PCDHGA1: variants seen among roughly 807,000 people sequenced by gnomAD.
PCDHGA1 encodes the protein protocadherin gamma subfamily A, 1.
In PCDHGA1, 32 loss-of-function variants were observed where a neutral mutation model predicts 58.0. The observed-to-expected ratio is 0.55, with a 90% CI of 0.42 to 0.74. The LOEUF (loss-of-function observed/expected upper bound fraction) is 0.74, where lower values mean the gene tolerates loss of function less well. PCDHGA1 is among the 30% of genes least tolerant of loss of function. PCDHGA1 has a pLI of 0.00. For synonymous variants in PCDHGA1, 498 were observed against 501.1 expected (o/e 0.99, Z 0.08); for missense variants, 1,205 against 1,182.3 (o/e 1.02, Z -0.28).
intron 1 of PCDHGA1, among the ~76,000 whole-genome samples, chr5:141,457,694 C>G (rs891323419): frequency 6.6e-6 from 1 of 152,214 alleles, no homozygotes; most frequent in Non-Finnish European, 1.5e-5. Flanking sequence ...TTTGGATTGG[C>G]TTTGATGAAA....
In PCDHGA1 at chr5:141,432,184, C is replaced by G; in HGVS notation, c.2422-62623C>G. 1 of 1,614,164 alleles carries G rather than the reference C, an allele frequency of 6.2e-7. No individual in the cohort carries two copies. The highest frequency in any genetic ancestry group is 2.2e-5 in the East Asian group (1 of 44,872). On this transcript the variant is annotated intron_variant, in intron 1 of 3. Coordinates refer to ENST00000517417, the MANE Select transcript of PCDHGA1 (RefSeq NM_018912.3). This position sits in a 1 kb window ranked among gnomAD's most constrained non-coding sequence, Gnocchi z 6.0. Reference sequence around the variant, plus strand: ...GAGGAGTTTCCCTCGTCTCTGTGACCGCCCACGACCCCGACTGTGAAGAGA... The same window carrying G: ...GAGGAGTTTCCCTCGTCTCTGTGACGGCCCACGACCCCGACTGTGAAGAGA...
intron 1 of PCDHGA1, among the ~76,000 whole-genome samples, chr5:141,460,983 GTATA>G (rs59296681): frequency 0.024 from 3,365 of 137,748 alleles, 55 homozygotes; most frequent in African/African-American, 0.035. Flanking sequence ...GTGTGTGTGT[GTATA>G]TATATATATG....
Position 141,431,655 on chromosome 5 carries a change from G to A in PCDHGA1, c.2422-63152G>A, listed in dbSNP as rs199998405. On this transcript the variant is annotated intron_variant, in intron 1 of 3. Transcript: ENST00000517417. This position sits in a 1 kb window ranked among gnomAD's most constrained non-coding sequence, Gnocchi z 4.8. Reference sequence around the variant, plus strand: ...GTTTTCAAACTAGATTGTAATTCAGGGACAATATCAACAATAGGGGAGTTG... The same window carrying A: ...GTTTTCAAACTAGATTGTAATTCAGAGACAATATCAACAATAGGGGAGTTG... 52 of 1,614,208 alleles carry A rather than the reference G, an allele frequency of 3.2e-5. No individual in the cohort carries two copies. The highest frequency in any genetic ancestry group is 3.3e-4 in the Middle Eastern group (2 of 6,062).
chr5:141,332,307 C>G lies in PCDHGA1; in HGVS notation c.1623C>G (p.Pro541=). ...KVMARDSGDP[P]LSSNVSLSLF... ...TGGCGCGGGACAGTGGGGATCCGCC[C>G]CTCAGCAGCAACGTGTCTCTCAGCC... The change falls in exon 1 of 4, where the codon CCC becomes CCG. Residue 541 remains proline (P), a synonymous_variant. Coordinates refer to ENST00000517417, the MANE Select transcript of PCDHGA1 (RefSeq NM_018912.3). The surrounding 1 kb of genome is among the most constrained non-coding windows in gnomAD (Gnocchi z 4.6). 1.9e-6 allele frequency: 3 copies of G among 1,614,240 alleles called. No homozygotes were observed. In the South Asian group the frequency reaches 3.3e-5, roughly 18 times the overall value.
At chr5:141,344,950 G>T in intron 1 of PCDHGA1, 1 of 1,613,844 alleles carries the variant, frequency 6.2e-7, no homozygotes, top group Non-Finnish European at 8.5e-7. Flanking sequence ...ATATTAAAAA[G>T]TCTAGATTAT....
At chr5:141,423,327 A>G in intron 1 of PCDHGA1, 1 of 1,614,100 alleles carries the variant, frequency 6.2e-7, no homozygotes, top group Non-Finnish European at 8.5e-7. Flanking sequence ...CGGTGGCCGC[A>G]GTCTCCTGCA....
At chr5:141,423,838 T>G in intron 1 of PCDHGA1, 1 of 1,279,552 alleles carries the variant, frequency 7.8e-7, no homozygotes, top group South Asian at 3.5e-5. Context: ...GAGATTACGA[T>G]AATCTTTCAG....
intron 1 of PCDHGA1, chr5:141,416,827 T>A (rs981344540): frequency 1.2e-4 from 18 of 152,268 alleles, no homozygotes; most frequent in African/African-American, 3.9e-4. Context: ...CCGAAGTTTC[T>A]CAAGACCCTT....
intron 1 of PCDHGA1, chr5:141,468,346 AAAAG>A (rs2099164910): frequency 6.8e-6 from 1 of 147,210 alleles, no homozygotes; most frequent in South Asian, 2.2e-4. Flanking sequence ...AAAAAAAAAA[AAAAG>A]AAAGAAAAAA....
chr5:141,404,314 A>G (rs772060934), intron 1 of PCDHGA1: 1 of 1,613,922 alleles, frequency 6.2e-7, no homozygotes, highest in East Asian at 2.2e-5. Context: ...CTTTCTCTCA[A>G]GCCTCCTACT....
At chr5:141,339,071 T>A (rs1237005711) in intron 1 of PCDHGA1, 1 of 1,613,850 alleles carries the variant, frequency 6.2e-7, no homozygotes, top group South Asian at 1.1e-5. Flanking sequence ...GATTCGCTAT[T>A]CTGTGCGGGA....
Position 141,350,196 on chromosome 5 carries a change from A to G in PCDHGA1, c.2421+17091A>G, listed in dbSNP as rs1019506208. On this transcript the variant is annotated intron_variant, in intron 1 of 3. Transcript: ENST00000517417. ...TCCTAAGCTCAAATCACAGAAGTCC[A>G]GGGTGCTGCCATTTCTTTTTGAAAA... 5.4e-5 allele frequency: 76 copies of G among 1,414,712 alleles called. 1 individual carries two copies. Among genetic ancestry groups the G allele is most frequent in the Non-Finnish European group, 7.0e-5 (75 of 1,064,100 alleles). 87.6% of individuals were successfully genotyped at this position (1,414,712 alleles called of 1,614,324 possible).
At chr5:141,339,611 G>A (rs915044310) in intron 1 of PCDHGA1, 5 of 1,614,076 alleles carry the variant, frequency 3.1e-6, no homozygotes, top group Admixed American at 1.7e-5. Context: ...CGTTCTCGTG[G>A]CTTCTGATGG....
intron 1 of PCDHGA1, chr5:141,410,800 T>A: frequency 1.5e-6 from 1 of 678,550 alleles, no homozygotes; most frequent in Non-Finnish European, 2.2e-6. Context: ...TAAGTTGCTC[T>A]ATCTTTTTGT....
intron 1 of PCDHGA1, chr5:141,343,434 G>A (rs1757285731): frequency 1.1e-6 from 1 of 930,984 alleles, no homozygotes; most frequent in African/African-American, 1.8e-5. Flanking sequence ...GTAAGTATAA[G>A]AATAAACACA....
intron 1 of PCDHGA1, chr5:141,339,231 C>A (rs370664976): frequency 2.3e-5 from 37 of 1,614,038 alleles, no homozygotes; most frequent in African/African-American, 4.0e-5. Flanking sequence ...TTGGTCACTG[C>A]GAACAGGATA....
chr5:141,404,347 C>A (rs1451476815), intron 1 of PCDHGA1: 2 of 1,613,916 alleles, frequency 1.2e-6, no homozygotes, highest in Non-Finnish European at 1.7e-6. Context: ...CGGAAAACAA[C>A]GCCAGAGGTA....
rs114492681 is a variant in PCDHGA1, at chr5:141,408,401, C to A, written c.2421+75296C>A. 1.5e-3 allele frequency: 2,364 copies of A among 1,614,010 alleles called. 32 individuals are homozygous for A. The African/African-American group carries it at 0.028, about 19-fold the overall frequency. On this transcript the variant is annotated intron_variant, in intron 1 of 3. Coordinates refer to ENST00000517417, the MANE Select transcript of PCDHGA1 (RefSeq NM_018912.3). ...CCTGGATGTGTCGGCTCGCAAGCTG[C>A]GAGTGAGCGCGGAGAAGCTGCACTT...
rs762238827 is a variant in PCDHGA1 at position 141,487,202 on chromosome 5, C to T, written c.2422-7605C>T. ...CACTCATCCAGTTGTCCCAGATCTT[C>T]GAGAATCTTCAGCTCCAAGGGAAGG... On this transcript the variant is annotated intron_variant, in intron 1 of 3. Coordinates refer to ENST00000517417, the MANE Select transcript of PCDHGA1 (RefSeq NM_018912.3). This position sits in a 1 kb window ranked among gnomAD's most constrained non-coding sequence, Gnocchi z 5.0. 7 of 1,613,660 alleles carry T rather than the reference C, an allele frequency of 4.3e-6. No homozygotes were observed. The highest frequency in any genetic ancestry group is 1.7e-5 in the Admixed American group (1 of 59,992).
Sources: allele counts gnomAD v4.1 joint callset (sites outside exome capture counted in the v4.1 genomes callset), GRCh38; gene constraint gnomAD v4.1.1; non-coding constraint Gnocchi (gnomAD v3.1); transcripts MANE v1.5; gene names NCBI Gene and HGNC (gene_info 2026-07-23, HGNC 2026-07-21).